CASC3: variants seen among roughly 807,000 people sequenced by gnomAD.
CASC3 encodes protein CASC3.
In CASC3, 30 loss-of-function variants were observed where a neutral mutation model predicts 80.5. The ratio of observed to expected loss-of-function variants is 0.37; its 90% CI spans 0.28 to 0.51. CASC3 has a LOEUF of 0.51. Among genes scored for constraint, CASC3 ranks in the 20% least tolerant of loss-of-function variants. The pLI is 0.94. For missense variants in CASC3, 824 were observed against 922.2 expected, an observed-to-expected ratio of 0.89 and a Z score of 1.38; for synonymous variants, 312 against 333.6, an observed-to-expected ratio of 0.94 and a Z score of 0.70.
At chr17:40,142,267 T>C (rs975130700) in intron 3 of CASC3, among the ~76,000 whole-genome samples, 3 of 152,214 alleles carry the variant, frequency 2.0e-5, no homozygotes, top group African/African-American at 4.8e-5. Context: ...GTGAACACTA[T>C]AACAAAATTC....
chr17:40,169,708 A>T, intron 13 of CASC3, 46 bp downstream of exon 13: 1 of 825,048 alleles, frequency 1.2e-6, no homozygotes, highest in Non-Finnish European at 1.8e-6. Context: ...TAATGCTCAC[A>T]CTTGCTTAAT....
At chr17:40,167,667 G>T (rs1598431871) in intron 9 of CASC3, 55 bp downstream of exon 9, 2 of 1,410,618 alleles carry the variant, frequency 1.4e-6, no homozygotes, top group East Asian at 4.6e-5. Context: ...AGTGAAGTAA[G>T]ATACCAGGCT....
intron 3 of CASC3, among the ~76,000 whole-genome samples, chr17:40,150,808 C>T (rs962551107): frequency 2.6e-5 from 4 of 152,068 alleles, no homozygotes; most frequent in African/African-American, 4.8e-5. Context: ...GTCAGGAGAT[C>T]GAGATCATCC....
In CASC3 at chr17:40,170,748, C is replaced by T; in HGVS notation, c.*343C>T. On this transcript the variant is annotated 3_prime_UTR_variant, in exon 14 of 14. Coordinates refer to ENST00000264645, the MANE Select transcript of CASC3 (RefSeq NM_007359.5). Reference sequence around the variant, plus strand: ...CACTTCTGGGAAATTGAAGTGTCTTCTGTTCCCAAGGAAGCTCCTTCCTGT... The same window carrying T: ...CACTTCTGGGAAATTGAAGTGTCTTTTGTTCCCAAGGAAGCTCCTTCCTGT... 4 of 985,520 alleles carry T rather than the reference C, an allele frequency of 4.1e-6. No individual in the cohort carries two copies. The highest frequency in any genetic ancestry group is 4.8e-6 in the Non-Finnish European group (4 of 829,878). The allele number at this position is 985,520 out of a possible 1,614,324, so 61.0% of individuals were successfully genotyped here.
intron 3 of CASC3, among the ~76,000 whole-genome samples, chr17:40,148,927 T>C (rs896968329): frequency 3.9e-5 from 6 of 152,042 alleles, no homozygotes; most frequent in Admixed American, 2.6e-4. Flanking sequence ...TGAGACAGAG[T>C]CTTGCTGTCG....
At chr17:40,159,252 GTCT>G (rs1989227926) in intron 3 of CASC3, among the ~76,000 whole-genome samples, 1 of 151,992 alleles carries the variant, frequency 6.6e-6, no homozygotes, top group East Asian at 1.9e-4. Context: ...AGAGTTGCAT[GTCT>G]ACTCATTCAG....
At chr17:40,160,883 T>A (rs1201929429) in intron 3 of CASC3, among the ~76,000 whole-genome samples, 1 of 152,154 alleles carries the variant, frequency 6.6e-6, no homozygotes, top group African/African-American at 2.4e-5. Context: ...CCACTTTTAA[T>A]AATTCTTGCA....
At chr17:40,143,321 C>G (rs1294909051) in intron 3 of CASC3, among the ~76,000 whole-genome samples, 1 of 152,006 alleles carries the variant, frequency 6.6e-6, no homozygotes, top group Non-Finnish European at 1.5e-5. Flanking sequence ...TCCCGCATGC[C>G]TGTAATTCCA....
intron 7 of CASC3, among the ~76,000 whole-genome samples, chr17:40,165,887 T>G (rs1222154258): frequency 6.6e-6 from 1 of 151,168 alleles, no homozygotes; most frequent in African/African-American, 2.4e-5. Flanking sequence ...CATCTCAGCC[T>G]CCTCAGTAGC....
chr17:40,150,435 T>C (rs969170138), intron 3 of CASC3, among the ~76,000 whole-genome samples: 2 of 151,950 alleles, frequency 1.3e-5, no homozygotes, highest in Non-Finnish European at 2.9e-5. Context: ...TGTGTGTGTG[T>C]GTGTGTGTGT....
At chr17:40,141,482 T>C in intron 2 of CASC3, 88 bp from the exon 3 acceptor site, 1 of 1,127,346 alleles carries the variant, frequency 8.9e-7, no homozygotes, top group Non-Finnish European at 1.3e-6. Context: ...ATGTCAGAAT[T>C]AAATGAGACT....
At position 40,163,698 on chromosome 17, in the gene CASC3, C is replaced by T. The variant is rs1989367665; in HGVS notation, c.1003C>T (p.His335Tyr). 1 of 1,614,040 alleles carries T rather than the reference C, an allele frequency of 6.2e-7. No individual in the cohort carries two copies. The change falls in exon 7 of 14, where the codon CAT (histidine) becomes TAT (tyrosine). Residue 335 changes from histidine (H) to tyrosine (Y), a missense_variant. This residue lies in a region of CASC3 where 464 missense variants were observed against 506.0 expected (regional missense o/e 0.92). Transcript: ENST00000264645. ...GFRPVEAGGQ[H>Y]GGRSGETVKH... ...TAGGCCTGTGGAAGCTGGTGGGCAG[C>T]ATGGTGGCCGGTCTGGTGAGACTGT... is the stretch of plus-strand genomic sequence containing the variant.
intron 1 of CASC3, 141 bp downstream of exon 1, chr17:40,140,920 C>G: frequency 1.4e-6 from 1 of 700,250 alleles, no homozygotes; most frequent in African/African-American, 1.8e-5. Flanking sequence ...GGGAGTTATC[C>G]CAATGCGAGT....
At chr17:40,161,956 AT>A in intron 4 of CASC3, 45 bp downstream of exon 4, 1 of 1,612,724 alleles carries the variant, frequency 6.2e-7, no homozygotes, top group Non-Finnish European at 8.5e-7. Flanking sequence ...TGGAATAGAG[AT>A]TCTTGAGGCT....
chr17:40,166,688 GA>G (rs1443590281), intron 7 of CASC3, 108 bp from the exon 8 acceptor site: 6 of 665,104 alleles, frequency 9.0e-6, no homozygotes, highest in Non-Finnish European at 1.3e-5. Flanking sequence ...TTAGTTAAAA[GA>G]AAAAAGGCAT....
chr17:40,153,257 T>C (rs977308361), intron 3 of CASC3, among the ~76,000 whole-genome samples: 3 of 152,178 alleles, frequency 2.0e-5, no homozygotes, highest in Non-Finnish European at 4.4e-5. Context: ...TTTCTGTGTC[T>C]AGCTTATTTT....
rs891972517 is a variant in CASC3 at position 40,140,644 on chromosome 17, A to G, written c.96A>G (p.Gly32=). Residue 32 remains glycine, a synonymous_variant, in exon 1 of 14, where the codon GGA becomes GGG. Transcript: ENST00000264645. ...GSDSGGSPLR[G]GGSCSGSAGG... ...ACAGCGGCGGCTCCCCGTTGCGGGG[A>G]GGCGGGAGCTGCAGCGGTAGCGCCG... The G allele has an allele frequency of 6.2e-7, 1 of 1,605,578 alleles. No individual in the cohort carries two copies. Among genetic ancestry groups the G allele is most frequent in the Non-Finnish European group, 8.5e-7 (1 of 1,178,396 alleles).
chr17:40,144,368 G>A (rs1341622745), intron 3 of CASC3, among the ~76,000 whole-genome samples: 4 of 148,260 alleles, frequency 2.7e-5, no homozygotes, highest in African/African-American at 9.9e-5. Flanking sequence ...TGCTTGAGAT[G>A]GAGTCTTGCT....
chr17:40,163,168 T>C (rs1989349658), intron 6 of CASC3, among the ~76,000 whole-genome samples: 1 of 152,178 alleles, frequency 6.6e-6, no homozygotes, highest in Admixed American at 6.5e-5. Flanking sequence ...AGAGTCTCGC[T>C]GTGTTGCCTA....
Sources: allele counts gnomAD v4.1 joint callset (sites outside exome capture counted in the v4.1 genomes callset), GRCh38; gene constraint gnomAD v4.1.1; regional missense constraint gnomAD v4.1.1; transcripts MANE v1.5; gene names NCBI Gene and HGNC (gene_info 2026-07-23, HGNC 2026-07-21).